Variants in ENTREP2 observed in about 807,000 individuals in gnomAD.
The protein encoded by ENTREP2 is protein ENTREP2.
At chr15:29,655,117 C>A in the ENTREP2 span, among the ~76,000 whole-genome samples, 1 of 152,140 alleles carries the variant, frequency 6.6e-6, no homozygotes, top group Non-Finnish European at 1.5e-5. Flanking sequence ...AAAAACACAA[C>A]TGAAAAATTA....
the ENTREP2 span, among the ~76,000 whole-genome samples, chr15:29,536,603 CA>C: frequency 0.065 from 4,826 of 74,166 alleles, 160 homozygotes; most frequent in African/African-American, 0.17. Flanking sequence ...GACTCTGTCT[CA>C]AAAAAAAAAA....
At chr15:29,443,319 C>T in the ENTREP2 span, among the ~76,000 whole-genome samples, 2 of 152,178 alleles carry the variant, frequency 1.3e-5, no homozygotes, top group Non-Finnish European at 2.9e-5. Context: ...AGACAAGGTT[C>T]CTACCAGACC....
the ENTREP2 span, among the ~76,000 whole-genome samples, chr15:29,424,932 A>C: frequency 6.6e-6 from 1 of 152,308 alleles, no homozygotes; most frequent in South Asian, 2.1e-4. Context: ...GACACAGTAC[A>C]TTCTATTTCC....
the ENTREP2 span, among the ~76,000 whole-genome samples, chr15:29,406,317 C>T: frequency 2.6e-5 from 4 of 152,112 alleles, no homozygotes; most frequent in Admixed American, 6.6e-5. Flanking sequence ...GAGGCCAAGG[C>T]GGGTGGATCA....
the ENTREP2 span, chr15:29,611,060 C>T: frequency 3.9e-4 from 60 of 152,334 alleles, no homozygotes; most frequent in African/African-American, 1.1e-3. Flanking sequence ...AAATTGCTCC[C>T]GTCCTTTATG....
the ENTREP2 span, among the ~76,000 whole-genome samples, chr15:29,157,100 G>GA: frequency 1.9e-4 from 29 of 151,778 alleles, no homozygotes; most frequent in South Asian, 4.0e-3. Context: ...CTGTCTGGAA[G>GA]AAAAAAAATA....
the ENTREP2 span, among the ~76,000 whole-genome samples, chr15:29,326,130 A>C: frequency 3.3e-5 from 5 of 152,152 alleles, no homozygotes; most frequent in East Asian, 9.6e-4. Context: ...ATCACACCTA[A>C]TAATGAAATA....
the ENTREP2 span, among the ~76,000 whole-genome samples, chr15:29,257,363 G>A: frequency 6.6e-6 from 1 of 152,138 alleles, no homozygotes; most frequent in African/African-American, 2.4e-5. Context: ...GTGAGCCACC[G>A]CGCCAGGCCA....
At chr15:29,243,280 T>TA in the ENTREP2 span, among the ~76,000 whole-genome samples, 1 of 152,132 alleles carries the variant, frequency 6.6e-6, no homozygotes, top group South Asian at 2.1e-4. Flanking sequence ...TAGTGGATTG[T>TA]AAAAAGTAGA....
At chr15:29,233,164 T>C in the ENTREP2 span, among the ~76,000 whole-genome samples, 2 of 152,206 alleles carry the variant, frequency 1.3e-5, no homozygotes, top group Non-Finnish European at 2.9e-5. Flanking sequence ...CATTGAAAAG[T>C]GCAAGTGGAA....
At chr15:29,672,413 A>G in the ENTREP2 span, among the ~76,000 whole-genome samples, 2 of 152,198 alleles carry the variant, frequency 1.3e-5, no homozygotes, top group Non-Finnish European at 2.9e-5. Context: ...GACTACCCTC[A>G]AAGGTTAAAA....
the ENTREP2 span, among the ~76,000 whole-genome samples, chr15:29,384,964 T>C: frequency 6.6e-6 from 1 of 152,254 alleles, no homozygotes; most frequent in East Asian, 1.9e-4. Context: ...AAATGGCGTC[T>C]TCTACTTCCC....
At chr15:29,195,298 A>C in the ENTREP2 span, 1 of 985,138 alleles carries the variant, frequency 1.0e-6, no homozygotes, top group Non-Finnish European at 1.2e-6. Flanking sequence ...CTCTCTCTGT[A>C]CATCTTTGCT....
At chr15:29,566,743 CA>C in the ENTREP2 span, among the ~76,000 whole-genome samples, 103,407 of 151,862 alleles carry the variant, frequency 0.68, 35,492 homozygotes, top group Non-Finnish European at 0.74. Flanking sequence ...AGGCATGAGC[CA>C]ACCATGCCCA....
the ENTREP2 span, among the ~76,000 whole-genome samples, chr15:29,646,925 C>G: frequency 6.6e-6 from 1 of 152,224 alleles, no homozygotes; most frequent in East Asian, 1.9e-4. Context: ...TATTTCAAAC[C>G]CACTTCTCTA....
At chr15:29,192,596 C>G in the ENTREP2 span, among the ~76,000 whole-genome samples, 1 of 152,124 alleles carries the variant, frequency 6.6e-6, no homozygotes, top group Admixed American at 6.5e-5. Flanking sequence ...CAGATACCAG[C>G]TCTAGTGGAA....
At chr15:29,606,111 T>G in the ENTREP2 span, among the ~76,000 whole-genome samples, 1 of 152,198 alleles carries the variant, frequency 6.6e-6, no homozygotes, top group Non-Finnish European at 1.5e-5. Flanking sequence ...AAATGTGTGC[T>G]AGGTCTTTTA....
At chr15:29,382,401 C>A in the ENTREP2 span, among the ~76,000 whole-genome samples, 1 of 152,108 alleles carries the variant, frequency 6.6e-6, no homozygotes, top group Non-Finnish European at 1.5e-5. Flanking sequence ...GCCCTATACA[C>A]ACTTGGCTCC....
the ENTREP2 span, chr15:29,268,192 A>G: frequency 1.3e-5 from 2 of 152,280 alleles, no homozygotes; most frequent in African/African-American, 2.4e-5. Flanking sequence ...TAACTACAGT[A>G]GCAAGAAGAA....
Sources: gnomAD v4.1 joint callset for allele counts (sites outside exome capture counted in the v4.1 genomes callset) on GRCh38, gnomAD v4.1.1 for gene constraint, MANE v1.5 for transcripts, NCBI Gene and HGNC (gene_info 2026-07-23, HGNC 2026-07-21) for gene names.